The following NUP205 variants were observed in gnomAD, a reference collection of about 807,000 sequenced individuals.
NUP205 encodes nuclear pore complex protein Nup205.
In NUP205, 76 loss-of-function variants were observed where a neutral mutation model predicts 253.8. The observed-to-expected ratio is 0.30, with a 90% CI of 0.25 to 0.36. The LOEUF (loss-of-function observed/expected upper bound fraction) is 0.36, where lower values mean the gene tolerates loss of function less well. Among genes scored for constraint, NUP205 ranks in the 10% least tolerant of loss-of-function variants. NUP205 has a pLI of 1.00. For missense variants in NUP205, 2,162 were observed against 2,425.5 expected (o/e 0.89, Z 2.28); for synonymous variants, 832 against 850.1 (o/e 0.98, Z 0.37).
chr7:135,580,518 T>C (rs1225382989), intron 7 of NUP205, among the ~76,000 whole-genome samples: 1 of 152,208 alleles, frequency 6.6e-6, no homozygotes, highest in Non-Finnish European at 1.5e-5. Flanking sequence ...CAGACTGGAA[T>C]GCAGTGGCAT....
chr7:135,581,073 A>C (rs1016462951), intron 7 of NUP205, among the ~76,000 whole-genome samples: 2 of 152,066 alleles, frequency 1.3e-5, no homozygotes, highest in African/African-American at 4.8e-5. Context: ...TTTTCTGTTA[A>C]TTTGCATTTT....
chr7:135,563,815 G>C (rs542995342), intron 1 of NUP205, among the ~76,000 whole-genome samples: 88 of 151,988 alleles, frequency 5.8e-4, no homozygotes, highest in Non-Finnish European at 1.0e-3. Context: ...CAACATCCCA[G>C]TTCTACAAAA....
At chr7:135,578,635 G>C in intron 6 of NUP205, 116 bp from the exon 7 acceptor site, 1 of 663,716 alleles carries the variant, frequency 1.5e-6, no homozygotes, top group Non-Finnish European at 2.5e-6. Context: ...ATGTTAATTG[G>C]TCATTATTCT....
chr7:135,587,882 T>G lies in NUP205; in HGVS notation c.1363T>G (p.Phe455Val), dbSNP rs1038094100. Residue 455 changes from phenylalanine (F) to valine (V), a missense_variant, in exon 10 of 43, where the codon TTT (phenylalanine) becomes GTT (valine). This residue lies in a region of NUP205 where 892 missense variants were observed against 957.1 expected (regional missense o/e 0.93). Transcript: ENST00000285968. ...TGGCGAGCTATATAAAAAGAACCCTTTTCATCTGGAGCTTGCTCTAGAATA... is the reference window on the plus strand; with the variant it reads ...TGGCGAGCTATATAAAAAGAACCCTGTTCATCTGGAGCTTGCTCTAGAATA... ...LIGELYKKNP[F>V]HLELALEYWC... is the part of the protein sequence containing the mutation. 23 of 1,613,704 alleles carry G rather than the reference T, an allele frequency of 1.4e-5. No individual in the cohort carries two copies. The highest frequency in any genetic ancestry group is 1.9e-5 in the Non-Finnish European group (23 of 1,179,822).
chr7:135,562,399 C>T (rs763366157), intron 1 of NUP205, among the ~76,000 whole-genome samples: 7 of 151,724 alleles, frequency 4.6e-5, no homozygotes, highest in Non-Finnish European at 8.8e-5. Context: ...GGTTTCACCA[C>T]GTTGGCCAGG....
At chr7:135,568,483 C>T (rs1563108697) in intron 1 of NUP205, among the ~76,000 whole-genome samples, 1 of 151,624 alleles carries the variant, frequency 6.6e-6, no homozygotes, top group Non-Finnish European at 1.5e-5. Context: ...AGGTGTGCGC[C>T]ACCACTCCTG....
Position 135,605,309 on chromosome 7 carries a change from G to C in NUP205, c.2824-836G>C, listed in dbSNP as rs114936328. Among the ~76,000 whole-genome samples the C allele has an allele frequency of 3.3e-3, 508 of 152,262 alleles. 3 individuals carry two copies. The highest frequency in any genetic ancestry group is 0.012 in the African/African-American group (489 of 41,540). On this transcript the variant is annotated intron_variant, in intron 19 of 42. Coordinates refer to ENST00000285968, the MANE Select transcript of NUP205 (RefSeq NM_015135.3). The stretch of plus-strand genomic sequence containing the variant: ...TAGGATTACAGGCCTGAGCCACCGT[G>C]CCTGGCCTCGTTGAAGGATTTTATT...
At chr7:135,628,805 TCAGGC>T (rs1488452297) in intron 34 of NUP205, among the ~76,000 whole-genome samples, 2 of 152,232 alleles carry the variant, frequency 1.3e-5, no homozygotes, top group Non-Finnish European at 2.9e-5. Flanking sequence ...TTCTCTACCA[TCAGGC>T]CTTAGGCCAT....
At chr7:135,638,419 A>C in intron 37 of NUP205, 138 bp from the exon 38 acceptor site, 1 of 787,070 alleles carries the variant, frequency 1.3e-6, no homozygotes. Context: ...CATCTGAAAA[A>C]AAAAAAAAAA....
At chr7:135,561,180 AC>A (rs1193749232) in intron 1 of NUP205, among the ~76,000 whole-genome samples, 1 of 152,058 alleles carries the variant, frequency 6.6e-6, no homozygotes, top group Non-Finnish European at 1.5e-5. Flanking sequence ...CCCTGTCTCT[AC>A]AAAAATACAA....
chr7:135,638,786 G>A (rs1794865328), intron 38 of NUP205, 103 bp downstream of exon 38: 2 of 1,137,702 alleles, frequency 1.8e-6, no homozygotes, highest in Admixed American at 2.0e-5. Context: ...TCTTTTAAGT[G>A]TCATTAATGG....
In NUP205 at chr7:135,643,366, T is replaced by A. The variant is rs775633357; in HGVS notation, c.5559+8T>A. 44 of 1,611,414 alleles carry A rather than the reference T, an allele frequency of 2.7e-5. No homozygotes were observed. Among genetic ancestry groups the A allele is most frequent in the Admixed American group, 6.7e-5 (4 of 59,900 alleles). ...CCAGATGAGATAAAAGAGGTACGAA[T>A]CTTATAATGAGCTGGGGGGACTTGA... On this transcript the variant is annotated splice_region_variant and intron_variant, in intron 39 of 42. Transcript: ENST00000285968.
intron 37 of NUP205, 88 bp downstream of exon 37, chr7:135,638,147 C>T (rs903904216): frequency 2.6e-5 from 36 of 1,400,118 alleles, no homozygotes; most frequent in African/African-American, 2.2e-4. Flanking sequence ...CGGTGGCTCA[C>T]GCCTATAATC....
rs796501240 is a variant in NUP205 at position 135,625,255 on chromosome 7, T to A, written c.4571T>A (p.Val1524Asp). The A allele has an allele frequency of 1.2e-6, 2 of 1,614,104 alleles. No individual in the cohort carries two copies. Among genetic ancestry groups the A allele is most frequent in the South Asian group, 2.2e-5 (2 of 91,068 alleles). The change falls in exon 32 of 43, where the codon GTC (valine) becomes GAC (aspartate). Residue 1524 changes from valine to aspartate, a missense_variant. Around this residue, in one of 5 missense-constraint regions of NUP205, gnomAD observed 1,144 missense variants for 1,280.9 expected, o/e 0.89. Transcript: ENST00000285968. The stretch of plus-strand genomic sequence containing the variant: ...CTTTCTAACAGTGGCTACTTGAAGG[T>A]CCTCGTAGACAGCTTGGTAGAAGAT... ...LYLSNSGYLK[V>D]LVDSLVEDDR...
Position 135,628,831 on chromosome 7 carries a change from T to C in NUP205, c.4932+720T>C, listed in dbSNP as rs80002383. 5.6e-3 allele frequency among the ~76,000 whole-genome samples: 853 copies of C among 152,358 alleles called. 14 individuals carry two copies. The highest frequency in any genetic ancestry group is 0.052 in the East Asian group (267 of 5,184). ...CAGGCCTTAGGCCATCTCACCAAGGTAGATGCTGCTGTTCTAAAGTGGCAC... is the reference window on the plus strand; with the variant it reads ...CAGGCCTTAGGCCATCTCACCAAGGCAGATGCTGCTGTTCTAAAGTGGCAC... On this transcript the variant is annotated intron_variant, in intron 34 of 42. Coordinates refer to ENST00000285968, the MANE Select transcript of NUP205 (RefSeq NM_015135.3).
intron 35 of NUP205, among the ~76,000 whole-genome samples, chr7:135,633,115 G>A (rs1794746164): frequency 6.6e-6 from 1 of 152,000 alleles, no homozygotes; most frequent in African/African-American, 2.4e-5. Flanking sequence ...ACAGGCACAT[G>A]CTGTCACACC....
intron 31 of NUP205, 99 bp from the exon 32 acceptor site, chr7:135,625,065 A>G (rs1002382663): frequency 6.3e-6 from 6 of 956,608 alleles, no homozygotes; most frequent in African/African-American, 1.7e-5. Flanking sequence ...TATGAAAAAC[A>G]TTCTTCATAT....
At chr7:135,606,628 A>T (rs1794091213) in intron 20 of NUP205, 123 bp from the exon 21 acceptor site, 3 of 706,044 alleles carry the variant, frequency 4.2e-6, no homozygotes, top group African/African-American at 3.6e-5. Flanking sequence ...AATGAATGTG[A>T]TAGATAATCA....
chr7:135,615,231 A>G (rs1324872226), intron 23 of NUP205, among the ~76,000 whole-genome samples: 3 of 152,142 alleles, frequency 2.0e-5, no homozygotes, highest in Non-Finnish European at 2.9e-5. Flanking sequence ...TAGGGTTTCA[A>G]TGTCAAGCAT....
Sources: gnomAD v4.1 joint callset for allele counts (sites outside exome capture counted in the v4.1 genomes callset) on GRCh38, gnomAD v4.1.1 for gene constraint, gnomAD v4.1.1 regional missense constraint, MANE v1.5 for transcripts, NCBI Gene and HGNC (gene_info 2026-07-23, HGNC 2026-07-21) for gene names.